Variants in RAB31 observed in about 807,000 individuals in gnomAD.
RAB31 encodes ras-related protein Rab-31.
Under a neutral mutation model 25.6 loss-of-function variants are expected in RAB31, and 21 were observed. The observed-to-expected ratio is 0.82, with a 90% confidence interval of 0.58 to 1.18. The LOEUF is 1.18. RAB31 is among the 50% of genes most tolerant of loss of function. The pLI, the probability that RAB31 is intolerant of heterozygous loss-of-function variation, is 0.00. For missense variants in RAB31, 196 were observed against 250.1 expected (o/e 0.78, Z 1.46); for synonymous variants, 87 against 84.0 (o/e 1.04, Z -0.20).
intron 1 of RAB31, among the ~76,000 whole-genome samples, chr18:9,753,161 G>C (rs1443294652): frequency 6.6e-6 from 1 of 152,068 alleles, no homozygotes; most frequent in Non-Finnish European, 1.5e-5. Flanking sequence ...GAAATGAATG[G>C]CTTTATTTGT....
chr18:9,859,945 C>A lies in RAB31; in HGVS notation c.*620C>A, dbSNP rs958847804. Reference sequence around the variant, plus strand: ...GTCTACACCACTTTTAATTGGTGAACAATTTTTCTAAGTTATGGTCATATA... The same window carrying A: ...GTCTACACCACTTTTAATTGGTGAAAAATTTTTCTAAGTTATGGTCATATA... On this transcript the variant is annotated 3_prime_UTR_variant, in exon 7 of 7. Transcript: ENST00000578921. 6.6e-6 allele frequency: 1 copy of A among 152,306 alleles called. No homozygotes were observed. Among genetic ancestry groups the A allele is most frequent in the South Asian group, 2.1e-4 (1 of 4,822 alleles). The allele number at this position is 152,306 out of a possible 1,614,324, so 9.4% of individuals were successfully genotyped here.
At chr18:9,787,467 C>T (rs11081507) in intron 2 of RAB31, 10,746 of 169,320 alleles carry the variant, frequency 0.063, 700 homozygotes, top group East Asian at 0.32. Context: ...TTTTCGGTCA[C>T]AATTCACAAC....
At chr18:9,744,495 C>T (rs1036662341) in intron 1 of RAB31, among the ~76,000 whole-genome samples, 2 of 152,094 alleles carry the variant, frequency 1.3e-5, no homozygotes, top group Non-Finnish European at 2.9e-5. Flanking sequence ...TTGACATGTT[C>T]ATTTTGTATC....
At chr18:9,826,241 T>A (rs2068649114) in intron 5 of RAB31, among the ~76,000 whole-genome samples, 1 of 152,002 alleles carries the variant, frequency 6.6e-6, no homozygotes, top group Admixed American at 6.6e-5. Flanking sequence ...CCAGGTGTGG[T>A]GGCACACGCC....
chr18:9,832,713 G>C (rs763946898), intron 5 of RAB31, among the ~76,000 whole-genome samples: 50 of 152,236 alleles, frequency 3.3e-4, no homozygotes, highest in Non-Finnish European at 6.8e-4. Flanking sequence ...GGACATGGCA[G>C]TCCCTCAGCA....
intron 1 of RAB31, among the ~76,000 whole-genome samples, chr18:9,750,426 G>A (rs552523994): frequency 1.3e-5 from 2 of 152,140 alleles, no homozygotes; most frequent in Non-Finnish European, 2.9e-5. Context: ...GAAGGATCCC[G>A]CCTTGTAAAA....
rs565365797 is a variant in RAB31 at position 9,800,927 on chromosome 18, A to G, written c.201+8692A>G. Reference sequence around the variant, plus strand: ...GCACAATCCATTTTAGAGCATTTTTATCAGTCCAGAAAGAAACGCTTATGA... The same window carrying G: ...GCACAATCCATTTTAGAGCATTTTTGTCAGTCCAGAAAGAAACGCTTATGA... On this transcript the variant is annotated intron_variant, in intron 3 of 6. Transcript: ENST00000578921. Among the ~76,000 whole-genome samples the G allele has an allele frequency of 2.0e-5, 3 of 152,326 alleles. No homozygotes were observed. The East Asian group carries it at 5.8e-4, about 29-fold the overall frequency.
chr18:9,792,372 A>C (rs1257379072), intron 3 of RAB31, 137 bp downstream of exon 3: 3 of 1,418,622 alleles, frequency 2.1e-6, no homozygotes, highest in Non-Finnish European at 2.8e-6. Context: ...GCAAAAAGAA[A>C]ATGTACTCAT....
chr18:9,815,079 G>C (rs775220715), intron 4 of RAB31, 37 bp from the exon 5 acceptor site: 10 of 1,352,178 alleles, frequency 7.4e-6, no homozygotes, highest in Non-Finnish European at 1.0e-5. Context: ...TTATATTGAG[G>C]GGTCTTTCTA....
In RAB31 at chr18:9,708,413, C is replaced by T. The variant is rs777716997; in HGVS notation, c.8C>T (p.Ala3Val). Reference protein sequence around the residue: MMAIRELKVCLLG... With the variant: MMVIRELKVCLLG... Reference sequence around the variant, plus strand: ...CTGCCTGGCTGCGAGCACATGATGGCGATACGGGAGCTCAAAGTGTGCCTT... The same window carrying T: ...CTGCCTGGCTGCGAGCACATGATGGTGATACGGGAGCTCAAAGTGTGCCTT... Residue 3 changes from alanine (A) to valine (V), a missense_variant, in exon 1 of 7, where the codon GCG becomes GTG. By Grantham distance (64) the Ala-to-Val change is moderately conservative. Transcript: ENST00000578921. The surrounding 1 kb of genome is among the most constrained non-coding windows in gnomAD (Gnocchi z 6.4). 9 of 1,568,302 alleles carry T rather than the reference C, an allele frequency of 5.7e-6. No homozygotes were observed.
intron 1 of RAB31, among the ~76,000 whole-genome samples, chr18:9,737,956 A>G (rs766977740): frequency 1.3e-5 from 2 of 152,206 alleles, no homozygotes; most frequent in South Asian, 4.1e-4. Context: ...AGACAGGCTT[A>G]CCAACAACGT....
intron 6 of RAB31, among the ~76,000 whole-genome samples, chr18:9,849,266 G>T (rs2068776728): frequency 6.6e-6 from 1 of 152,070 alleles, no homozygotes; most frequent in South Asian, 2.1e-4. Flanking sequence ...GTATGTGCCT[G>T]TTCTTCTAGG....
rs760208975 is a variant in RAB31 at position 9,766,442 on chromosome 18, C to T, written c.40-8836C>T. On this transcript the variant is annotated intron_variant, in intron 1 of 6. Coordinates refer to ENST00000578921, the MANE Select transcript of RAB31 (RefSeq NM_006868.4). The surrounding 1 kb of genome is among the most constrained non-coding windows in gnomAD (Gnocchi z 4.3). ...GGCAGGCGGGGTGGGCTGAGGCGGGCGGGTGGGGTGTGTATGCTGGTGTCC... is the reference window on the plus strand; with the variant it reads ...GGCAGGCGGGGTGGGCTGAGGCGGGTGGGTGGGGTGTGTATGCTGGTGTCC... Among the ~76,000 whole-genome samples, 42 of 144,510 alleles carry T rather than the reference C, an allele frequency of 2.9e-4. No homozygotes were observed. The highest frequency in any genetic ancestry group is 7.5e-4 in the Admixed American group (11 of 14,670). The allele number at this position is 144,510 out of a possible 152,430, so 94.8% of individuals were successfully genotyped here.
intron 3 of RAB31, among the ~76,000 whole-genome samples, chr18:9,805,796 T>C (rs1327900084): frequency 1.3e-5 from 2 of 152,208 alleles, no homozygotes; most frequent in African/African-American, 4.8e-5. Flanking sequence ...GAAGCAACGT[T>C]TCATTTCAGA....
At chr18:9,778,372 G>C (rs1477852710) in intron 2 of RAB31, among the ~76,000 whole-genome samples, 1 of 152,142 alleles carries the variant, frequency 6.6e-6, no homozygotes, top group Non-Finnish European at 1.5e-5. Context: ...GTGGTTTGGA[G>C]TTTTAAAAAA....
chr18:9,809,888 G>C (rs927837872), intron 3 of RAB31, among the ~76,000 whole-genome samples: 1 of 152,190 alleles, frequency 6.6e-6, no homozygotes, highest in Non-Finnish European at 1.5e-5. Flanking sequence ...GAAAGGTCAT[G>C]CTCGTTTATT....
At chr18:9,773,787 T>C (rs2068357748) in intron 1 of RAB31, among the ~76,000 whole-genome samples, 2 of 152,158 alleles carry the variant, frequency 1.3e-5, no homozygotes, top group Admixed American at 1.3e-4. Context: ...GCCTCCCAAG[T>C]AGCTGGGACT....
At chr18:9,743,953 C>G (rs539376717) in intron 1 of RAB31, among the ~76,000 whole-genome samples, 13 of 152,236 alleles carry the variant, frequency 8.5e-5, no homozygotes, top group African/African-American at 3.1e-4. Context: ...GCTCCACTTA[C>G]CTCCTCTATA....
chr18:9,775,453 G>GT, intron 2 of RAB31, 96 bp downstream of exon 2: 1 of 1,555,422 alleles, frequency 6.4e-7, no homozygotes, highest in Non-Finnish European at 8.7e-7. Context: ...CAGGGCCACA[G>GT]TTTTCATCCC....
Sources: gnomAD v4.1 joint callset for allele counts (sites outside exome capture counted in the v4.1 genomes callset) on GRCh38, gnomAD v4.1.1 for gene constraint, Gnocchi (gnomAD v3.1) non-coding constraint, MANE v1.5 for transcripts, NCBI Gene and HGNC (gene_info 2026-07-23, HGNC 2026-07-21) for gene names.